Variants in SHANK2 observed in about 807,000 individuals in gnomAD.
SHANK2 encodes the protein SH3 and multiple ankyrin repeat domains protein 2.
A neutral mutation model predicts 133.7 loss-of-function variants in SHANK2; 43 were observed. The observed-to-expected ratio is 0.32, with a 90% CI of 0.25 to 0.41. The LOEUF (loss-of-function observed/expected upper bound fraction) is 0.41, where lower values mean the gene tolerates loss of function less well. Among genes scored for constraint, SHANK2 ranks in the 10% least tolerant of loss-of-function variants. The pLI is 1.00. For synonymous variants in SHANK2, 1,017 were observed against 952.8 expected, an observed-to-expected ratio of 1.07 and a Z score of -1.24; for missense variants, 1,994 against 2,235.8, an observed-to-expected ratio of 0.89 and a Z score of 2.18.
chr11:71,217,645 G>A (rs1338788133), intron 2 of SHANK2, among the ~76,000 whole-genome samples: 3 of 152,236 alleles, frequency 2.0e-5, no homozygotes, highest in Non-Finnish European at 2.9e-5. Context: ...ATGCAGAGGT[G>A]AAAGACAATG....
intron 1 of SHANK2, among the ~76,000 whole-genome samples, chr11:71,235,271 G>T (rs1164521854): frequency 6.6e-6 from 1 of 152,068 alleles, no homozygotes; most frequent in South Asian, 2.1e-4. Flanking sequence ...GCTGAGCTCC[G>T]GAAGGTACCG....
At chr11:70,553,976 T>C (rs1591572696) in intron 17 of SHANK2, among the ~76,000 whole-genome samples, 1 of 152,178 alleles carries the variant, frequency 6.6e-6, no homozygotes. Flanking sequence ...TCAGCAGCAA[T>C]CTGAATAAAG....
intron 2 of SHANK2, among the ~76,000 whole-genome samples, chr11:71,180,713 C>T (rs781939230): frequency 6.6e-6 from 1 of 152,076 alleles, no homozygotes; most frequent in African/African-American, 2.4e-5. Flanking sequence ...GGCCACACAC[C>T]AATGTGGATC....
chr11:70,528,705 C>T (rs1406518147), intron 17 of SHANK2, among the ~76,000 whole-genome samples: 2 of 151,892 alleles, frequency 1.3e-5, no homozygotes, highest in Non-Finnish European at 1.5e-5. Context: ...GTCAGCTCGC[C>T]GGCTCCCCAG....
In SHANK2 at chr11:71,118,998, C is replaced by T. The variant is rs1952033705; in HGVS notation, c.242G>A (p.Trp81Ter). ...CIRFNPDATV[W>*]VAKQRILCTL... ...ACACAGGATCCGCTGCTTTGCAACCCACACTGTGGCATCCGGGTTAAATCG... is the reference window on the plus strand; with the variant it reads ...ACACAGGATCCGCTGCTTTGCAACCTACACTGTGGCATCCGGGTTAAATCG... Residue 81 changes from tryptophan (W) to a stop codon, truncating the protein, a stop_gained, in exon 4 of 26, where the codon TGG becomes TAG. Transcript: ENST00000601538. LOFTEE classifies it high-confidence loss of function. The T allele has an allele frequency of 6.4e-7, 1 of 1,551,598 alleles. No individual in the cohort carries two copies. Among genetic ancestry groups the T allele is most frequent in the Admixed American group, 2.0e-5 (1 of 50,986 alleles).
At chr11:70,828,191 A>G (rs541841070) in intron 11 of SHANK2, among the ~76,000 whole-genome samples, 1 of 152,260 alleles carries the variant, frequency 6.6e-6, no homozygotes, top group African/African-American at 2.4e-5. Flanking sequence ...CTGAGGCAGG[A>G]GGATTGCTTG....
chr11:70,500,845 G>C lies in SHANK2; in HGVS notation c.2288-255C>G. On this transcript the variant is annotated intron_variant, in intron 20 of 25. Coordinates refer to ENST00000601538, the MANE Select transcript of SHANK2 (RefSeq NM_012309.5). This position sits in a 1 kb window ranked among gnomAD's most constrained non-coding sequence, Gnocchi z 4.5. ...ACCTACTGCCTGGCAGTGGAAAGGG[G>C]CTTTCCTTCTTCCTCAGCACCCCTT... The C allele has an allele frequency of 1.4e-6, 1 of 706,116 alleles. No individual in the cohort carries two copies. 43.7% of individuals were successfully genotyped at this position (706,116 alleles called of 1,614,324 possible). A position where few individuals can be genotyped will look rare whatever the true frequency, so the allele number is the denominator to read the frequency against.
intron 2 of SHANK2, among the ~76,000 whole-genome samples, chr11:71,168,717 C>G (rs1025877968): frequency 1.1e-4 from 16 of 152,052 alleles, no homozygotes; most frequent in Admixed American, 2.0e-4. Flanking sequence ...CACAGGCAGT[C>G]AGCAGGCTGA....
intron 17 of SHANK2, among the ~76,000 whole-genome samples, chr11:70,612,587 C>A (rs544359599): frequency 6.0e-4 from 91 of 152,142 alleles, no homozygotes; most frequent in Non-Finnish European, 1.5e-4. Context: ...CAAGGTTAAA[C>A]GAAACTCCAC....
chr11:70,807,321 G>A lies in SHANK2; in HGVS notation c.1494-150C>T. On this transcript the variant is annotated intron_variant, in intron 12 of 25. Transcript: ENST00000601538. This position sits in a 1 kb window ranked among gnomAD's most constrained non-coding sequence, Gnocchi z 4.8. ...GATGCCAGACAGGAAGATGGGAACAGGCCGGGGCAGCACTGTGGTCAGAGG... is the reference window on the plus strand; with the variant it reads ...GATGCCAGACAGGAAGATGGGAACAAGCCGGGGCAGCACTGTGGTCAGAGG... 1 of 633,620 alleles carries A rather than the reference G, an allele frequency of 1.6e-6. No homozygotes were observed. 39.2% of individuals were successfully genotyped at this position (633,620 alleles called of 1,614,324 possible).
intron 16 of SHANK2, among the ~76,000 whole-genome samples, chr11:70,660,679 CA>C (rs2061472711): frequency 6.6e-6 from 1 of 152,178 alleles, no homozygotes; most frequent in Admixed American, 6.5e-5. Flanking sequence ...AAGATTCCAG[CA>C]GGGGGAGGGG....
At chr11:70,725,842 G>C (rs1385920498) in intron 14 of SHANK2, among the ~76,000 whole-genome samples, 1 of 152,192 alleles carries the variant, frequency 6.6e-6, no homozygotes. Context: ...CAGAAGCATG[G>C]GGGGAAGAAC....
At chr11:70,851,029 C>T (rs1555065287) in intron 11 of SHANK2, among the ~76,000 whole-genome samples, 1 of 152,216 alleles carries the variant, frequency 6.6e-6, no homozygotes, top group African/African-American at 2.4e-5. Flanking sequence ...TTAACAGTGG[C>T]TGTGGCTCTC....
chr11:70,592,761 C>A (rs1591622534), intron 17 of SHANK2, among the ~76,000 whole-genome samples: 1 of 152,188 alleles, frequency 6.6e-6, no homozygotes, highest in East Asian at 1.9e-4. Context: ...TTTGCTATGG[C>A]CCAAGGCAGC....
At chr11:71,072,980 T>C (rs1247293556) in intron 9 of SHANK2, among the ~76,000 whole-genome samples, 1 of 152,002 alleles carries the variant, frequency 6.6e-6, no homozygotes, top group Non-Finnish European at 1.5e-5. Flanking sequence ...GGCAATTGCA[T>C]AGCCATGTAA....
intron 2 of SHANK2, among the ~76,000 whole-genome samples, chr11:71,203,482 A>G (rs1555117441): frequency 6.6e-6 from 1 of 151,990 alleles, no homozygotes; most frequent in Admixed American, 6.6e-5. Context: ...AACCCCACAC[A>G]CTCCAAAGAA....
At chr11:70,887,906 G>A (rs1044641032) in intron 11 of SHANK2, among the ~76,000 whole-genome samples, 3 of 152,116 alleles carry the variant, frequency 2.0e-5, no homozygotes, top group African/African-American at 2.4e-5. Flanking sequence ...AGCTCTGCTT[G>A]TGAGCACCAA....
intron 11 of SHANK2, among the ~76,000 whole-genome samples, chr11:70,836,175 C>T (rs1180788142): frequency 6.6e-6 from 1 of 152,336 alleles, no homozygotes; most frequent in East Asian, 1.9e-4. Context: ...CTTAAGGGAG[C>T]GTGCCTGCTG....
chr11:70,760,026 C>G lies in SHANK2; in HGVS notation c.1777+38417G>C, dbSNP rs117833936. Among the ~76,000 whole-genome samples, 1,467 of 152,334 alleles carry G rather than the reference C, an allele frequency of 9.6e-3. 49 individuals are homozygous for G. Among genetic ancestry groups the G allele is most frequent in the Admixed American group, 0.066 (1,003 of 15,296 alleles). ...CAGAACTATGAGAGACCGGCTCTGCCGGTTTACAGAGGCTGCTCACTGAGC... is the reference window on the plus strand; with the variant it reads ...CAGAACTATGAGAGACCGGCTCTGCGGGTTTACAGAGGCTGCTCACTGAGC... On this transcript the variant is annotated intron_variant, in intron 14 of 25. Transcript: ENST00000601538.
Sources: gnomAD v4.1 joint callset for allele counts (sites outside exome capture counted in the v4.1 genomes callset) on GRCh38, gnomAD v4.1.1 for gene constraint, Gnocchi (gnomAD v3.1) non-coding constraint, MANE v1.5 for transcripts, NCBI Gene and HGNC (gene_info 2026-07-23, HGNC 2026-07-21) for gene names.